The following RALGAPA2 variants were observed in gnomAD, a reference collection of about 807,000 sequenced individuals.
RALGAPA2 encodes Ral GTPase activating protein catalytic subunit alpha 2.
In RALGAPA2, 139 loss-of-function variants were observed where a neutral mutation model predicts 230.4. That is an observed-to-expected ratio of 0.60 (90% confidence interval 0.53 to 0.69). RALGAPA2 has a LOEUF of 0.69. Among genes scored for constraint, RALGAPA2 ranks in the 30% least tolerant of loss-of-function variants. RALGAPA2 has a pLI of 0.00. For missense variants in RALGAPA2, 2,163 were observed against 2,276.0 expected, an observed-to-expected ratio of 0.95 and a Z score of 1.01; for synonymous variants, 847 against 837.8, an observed-to-expected ratio of 1.01 and a Z score of -0.19.
intron 38 of RALGAPA2, among the ~76,000 whole-genome samples, chr20:20,408,213 T>C (rs1168837955): frequency 6.6e-6 from 1 of 152,254 alleles, no homozygotes; most frequent in Non-Finnish European, 1.5e-5. Context: ...GTTTTGAACA[T>C]TCTTTGAGAA....
At chr20:20,520,607 G>A (rs1200185739) in intron 31 of RALGAPA2, among the ~76,000 whole-genome samples, 1 of 152,112 alleles carries the variant, frequency 6.6e-6, no homozygotes, top group Non-Finnish European at 1.5e-5. Context: ...GAGTCCTTCT[G>A]GACTTCACTG....
Position 20,528,447 on chromosome 20 carries a change from G to T in RALGAPA2, c.3583-2085C>A, listed in dbSNP as rs1460066840. Among the ~76,000 whole-genome samples the T allele has an allele frequency of 6.6e-5, 10 of 152,288 alleles. No individual in the cohort carries two copies. In the East Asian group the frequency reaches 1.7e-3, roughly 27 times the overall value. ...TGTGAGGGATGGACTTGGGCAGTGG[G>T]TGGGACGGACGATGGGTATTCAATG... is the stretch of plus-strand genomic sequence containing the variant. On this transcript the variant is annotated intron_variant, in intron 27 of 39. Coordinates refer to ENST00000202677, the MANE Select transcript of RALGAPA2 (RefSeq NM_020343.4).
intron 36 of RALGAPA2, among the ~76,000 whole-genome samples, chr20:20,490,208 G>T (rs1367998543): frequency 2.0e-5 from 3 of 152,018 alleles, no homozygotes; most frequent in African/African-American, 7.2e-5. Flanking sequence ...CCGGACAAAA[G>T]GAATAATACA....
At chr20:20,692,940 A>G (rs1003744611) in intron 1 of RALGAPA2, among the ~76,000 whole-genome samples, 5 of 152,216 alleles carry the variant, frequency 3.3e-5, no homozygotes, top group African/African-American at 1.2e-4. Context: ...GTTACTTACA[A>G]CCAAAAATAT....
chr20:20,431,454 A>G (rs2060500115), intron 37 of RALGAPA2, among the ~76,000 whole-genome samples: 1 of 152,210 alleles, frequency 6.6e-6, no homozygotes, highest in Admixed American at 6.5e-5. Flanking sequence ...GATCCCAGGC[A>G]GGTAGAGGAC....
At chr20:20,478,583 A>C (rs1454362336) in intron 36 of RALGAPA2, among the ~76,000 whole-genome samples, 2 of 152,130 alleles carry the variant, frequency 1.3e-5, no homozygotes, top group Admixed American at 1.3e-4. Context: ...GGAACAGAAA[A>C]CCAAATACCG....
chr20:20,552,608 T>C (rs151319537), intron 23 of RALGAPA2, among the ~76,000 whole-genome samples: 39 of 152,258 alleles, frequency 2.6e-4, no homozygotes, highest in African/African-American at 8.4e-4. Flanking sequence ...TTATAAAAAA[T>C]GTGAATGCAG....
intron 1 of RALGAPA2, among the ~76,000 whole-genome samples, chr20:20,684,712 GA>G: frequency 6.6e-6 from 1 of 152,298 alleles, no homozygotes; most frequent in Non-Finnish European, 1.5e-5. Flanking sequence ...CAGCACTTCA[GA>G]AGAGTTGAAA....
chr20:20,649,248 G>A (rs1020695936), intron 4 of RALGAPA2, among the ~76,000 whole-genome samples: 6 of 152,296 alleles, frequency 3.9e-5, no homozygotes, highest in African/African-American at 1.4e-4. Flanking sequence ...CTCAGGAAGA[G>A]TGAGGTATGG....
At chr20:20,503,262 G>T in intron 35 of RALGAPA2, 89 bp downstream of exon 35, 1 of 1,196,196 alleles carries the variant, frequency 8.4e-7, no homozygotes. Context: ...CCATCTCAGT[G>T]TGCGTTCTAC....
chr20:20,403,224 G>A (rs1477909308), intron 38 of RALGAPA2, among the ~76,000 whole-genome samples: 1 of 152,188 alleles, frequency 6.6e-6, no homozygotes, highest in Non-Finnish European at 1.5e-5. Flanking sequence ...AGCCTCCAGT[G>A]AAGGAAGGGC....
intron 18 of RALGAPA2, among the ~76,000 whole-genome samples, chr20:20,588,434 T>C (rs1043285956): frequency 3.9e-5 from 6 of 152,124 alleles, no homozygotes; most frequent in East Asian, 1.9e-4. Flanking sequence ...CATAGTTACA[T>C]AGCAAAACTA....
chr20:20,495,326 T>A (rs1370205372), intron 35 of RALGAPA2, 51 bp from the exon 36 acceptor site: 6 of 1,384,518 alleles, frequency 4.3e-6, no homozygotes, highest in African/African-American at 1.4e-5. Context: ...CAGCAGTTTA[T>A]GAGGGGTCAT....
chr20:20,464,540 C>T (rs1260886828), intron 37 of RALGAPA2, among the ~76,000 whole-genome samples: 1 of 152,178 alleles, frequency 6.6e-6, no homozygotes, highest in African/African-American at 2.4e-5. Context: ...CTCCCACTTC[C>T]TTCTTGTCTG....
chr20:20,709,423 G>A (rs2069753200), intron 1 of RALGAPA2, among the ~76,000 whole-genome samples: 1 of 152,270 alleles, frequency 6.6e-6, no homozygotes, highest in East Asian at 1.9e-4. Context: ...GGAGGCCAAG[G>A]CTGCAGCAGT....
At chr20:20,413,258 T>C (rs2060098728) in intron 37 of RALGAPA2, among the ~76,000 whole-genome samples, 2 of 152,264 alleles carry the variant, frequency 1.3e-5, no homozygotes, top group South Asian at 4.1e-4. Context: ...CAAAATGGCC[T>C]CTTTAAAAAT....
intron 23 of RALGAPA2, among the ~76,000 whole-genome samples, chr20:20,561,920 A>C (rs2064267585): frequency 6.6e-6 from 1 of 152,176 alleles, no homozygotes; most frequent in African/African-American, 2.4e-5. Context: ...CCACCAAATG[A>C]CAGTGCACTT....
In RALGAPA2 at chr20:20,481,152, A is replaced by G. The variant is rs1371752058; in HGVS notation, c.5368-8196T>C. On this transcript the variant is annotated intron_variant, in intron 36 of 39. Transcript: ENST00000202677. ...AAAGAGAGCCTTTTGCAGCAAAGTG[A>G]TAACGCTGAAGTCCACGTGGCAACA... Among the ~76,000 whole-genome samples, 4 of 152,370 alleles carry G rather than the reference A, an allele frequency of 2.6e-5. No individual in the cohort carries two copies. The South Asian group carries it at 6.2e-4, about 24-fold the overall frequency.
At chr20:20,559,038 T>C (rs1460690588) in intron 23 of RALGAPA2, among the ~76,000 whole-genome samples, 1 of 152,228 alleles carries the variant, frequency 6.6e-6, no homozygotes, top group East Asian at 1.9e-4. Context: ...TTCCCACAAC[T>C]TCTGGTTTGT....
Sources: gnomAD v4.1 joint callset for allele counts (sites outside exome capture counted in the v4.1 genomes callset) on GRCh38, gnomAD v4.1.1 for gene constraint, MANE v1.5 for transcripts, NCBI Gene and HGNC (gene_info 2026-07-23, HGNC 2026-07-21) for gene names.